SPAST: variants seen among roughly 807,000 people sequenced by gnomAD.
SPAST encodes the protein spastin.
SPAST carries 30 observed loss-of-function variants against 76.6 expected under a neutral mutation model. The observed-to-expected ratio is 0.39, with a 90% CI of 0.29 to 0.53. The LOEUF is 0.53. Among genes scored for constraint, SPAST ranks in the 20% least tolerant of loss-of-function variants. The pLI is 0.68. For missense variants in SPAST, 717 were observed against 770.5 expected (o/e 0.93, Z 0.82); for synonymous variants, 305 against 281.0 (o/e 1.09, Z -0.86).
chr2:32,149,795 A>G (rs1367496821), intron 16 of SPAST, among the ~76,000 whole-genome samples: 1 of 152,176 alleles, frequency 6.6e-6, no homozygotes, highest in East Asian at 1.9e-4. Flanking sequence ...GCACCATTTT[A>G]CATAAGGGAC....
chr2:32,115,582 A>AT, intron 5 of SPAST, 120 bp from the exon 6 acceptor site: 1 of 725,938 alleles, frequency 1.4e-6, no homozygotes, highest in East Asian at 2.7e-5. Flanking sequence ...CAATTTATGG[A>AT]TTTTTATACC....
chr2:32,085,814 G>A (rs1038001723), intron 1 of SPAST, among the ~76,000 whole-genome samples: 4 of 151,992 alleles, frequency 2.6e-5, no homozygotes, highest in African/African-American at 9.7e-5. Flanking sequence ...GCCGAGGTGG[G>A]AGGATCACAA....
At chr2:32,074,658 C>T (rs1281328506) in intron 1 of SPAST, among the ~76,000 whole-genome samples, 1 of 152,068 alleles carries the variant, frequency 6.6e-6, no homozygotes, top group Non-Finnish European at 1.5e-5. Flanking sequence ...AGGCGCAAGT[C>T]ACCACACCCG....
intron 3 of SPAST, among the ~76,000 whole-genome samples, chr2:32,095,297 T>G (rs998509222): frequency 8.5e-5 from 13 of 152,128 alleles, no homozygotes; most frequent in Non-Finnish European, 1.6e-4. Flanking sequence ...CACTGCAGGA[T>G]GGGTATTAGA....
chr2:32,075,036 G>A (rs554324826), intron 1 of SPAST, among the ~76,000 whole-genome samples: 41 of 152,186 alleles, frequency 2.7e-4, no homozygotes, highest in Non-Finnish European at 3.7e-4. Context: ...GGTTATGTTA[G>A]AACATTGTTA....
intron 4 of SPAST, among the ~76,000 whole-genome samples, chr2:32,101,857 A>G (rs1327334510): frequency 6.6e-6 from 1 of 152,296 alleles, no homozygotes; most frequent in East Asian, 1.9e-4. Context: ...TATCAGTACC[A>G]TGCTGTTTTG....
intron 1 of SPAST, among the ~76,000 whole-genome samples, chr2:32,078,591 A>G (rs950720405): frequency 1.3e-5 from 2 of 152,196 alleles, no homozygotes; most frequent in Non-Finnish European, 2.9e-5. Flanking sequence ...TCAAGGCTAC[A>G]GTGAGCTATG....
Position 32,154,445 on chromosome 2 carries a change from T to G in SPAST, c.1800T>G (p.Thr600=). Residue 600 remains threonine (T), a synonymous_variant, in exon 17 of 17, where the codon ACT becomes ACG. Transcript: ENST00000315285. ...TAAAACGCAGCGTCAGCCCTCAAACTTTAGAAGCGTACATACGTTGGAACA... is the reference window on the plus strand; with the variant it reads ...TAAAACGCAGCGTCAGCCCTCAAACGTTAGAAGCGTACATACGTTGGAACA... ...KKIKRSVSPQ[T]LEAYIRWNKD... 6.2e-7 allele frequency: 1 copy of G among 1,613,548 alleles called. No individual in the cohort carries two copies. Among genetic ancestry groups the G allele is most frequent in the Non-Finnish European group, 8.5e-7 (1 of 1,179,526 alleles).
chr2:32,154,702 T>A lies in SPAST; in HGVS notation c.*206T>A. 2 of 566,848 alleles carry A rather than the reference T, an allele frequency of 3.5e-6. No individual in the cohort carries two copies. Among genetic ancestry groups the A allele is most frequent in the South Asian group, 2.0e-5 (1 of 49,622 alleles). 35.1% of individuals were successfully genotyped at this position (566,848 alleles called of 1,614,324 possible). A position where few individuals can be genotyped will look rare whatever the true frequency, so the allele number is the denominator to read the frequency against. On this transcript the variant is annotated 3_prime_UTR_variant, in exon 17 of 17. Transcript: ENST00000315285. The stretch of plus-strand genomic sequence containing the variant: ...ATGTAATTTTTTGTTGTTTAAGGCC[T>A]TGCCTTGATGGTCACAGTTATCCCA...
At chr2:32,121,733 G>A (rs1371781993) in intron 7 of SPAST, among the ~76,000 whole-genome samples, 2 of 150,854 alleles carry the variant, frequency 1.3e-5, no homozygotes, top group South Asian at 2.1e-4. Flanking sequence ...TAGTAGAGAC[G>A]GAGTTTCACC....
chr2:32,087,075 G>C (rs1207718221), intron 1 of SPAST, among the ~76,000 whole-genome samples: 1 of 151,482 alleles, frequency 6.6e-6, no homozygotes, highest in East Asian at 1.9e-4. Context: ...TTCCTCTAGA[G>C]AGGAGGTACC....
intron 1 of SPAST, among the ~76,000 whole-genome samples, chr2:32,075,445 A>T (rs1676914513): frequency 6.9e-6 from 1 of 144,508 alleles, no homozygotes; most frequent in African/African-American, 2.5e-5. Context: ...AAAAAAAAAA[A>T]ATTAAAACAA....
At position 32,064,005 on chromosome 2, in the gene SPAST, T is replaced by C. The variant is rs145571171; in HGVS notation, c.174T>C (p.Phe58=). ...RNLYYFSYPL[F]VGFALLRLVA... ...TGTACTATTTCTCCTACCCGCTGTT[T>C]GTAGGCTTCGCGCTGCTGCGTTTGG... Residue 58 remains phenylalanine, a synonymous_variant, in exon 1 of 17, where the codon TTT becomes TTC. Transcript: ENST00000315285. 9.3e-6 allele frequency: 15 copies of C among 1,613,344 alleles called. No individual in the cohort carries two copies. The African/African-American group carries it at 9.3e-5, about 10-fold the overall frequency.
intron 1 of SPAST, among the ~76,000 whole-genome samples, chr2:32,084,458 CT>C (rs764882256): frequency 1.3e-5 from 2 of 152,078 alleles, no homozygotes; most frequent in African/African-American, 4.8e-5. Context: ...GCCACCGCCC[CT>C]GGCCTACTTT....
chr2:32,076,563 G>T (rs1410035054), intron 1 of SPAST, among the ~76,000 whole-genome samples: 1 of 151,988 alleles, frequency 6.6e-6, no homozygotes, highest in African/African-American at 2.4e-5. Flanking sequence ...TTCTCTAATG[G>T]TGAACTATGA....
chr2:32,099,296 T>C (rs1678032169), intron 4 of SPAST, among the ~76,000 whole-genome samples: 1 of 152,334 alleles, frequency 6.6e-6, no homozygotes, highest in East Asian at 1.9e-4. Context: ...ATATCAATTT[T>C]CATTTATAGT....
rs185397083 is a variant in SPAST at position 32,090,644 on chromosome 2, C to T, written c.586+1039C>T. On this transcript the variant is annotated intron_variant, in intron 3 of 16. Transcript: ENST00000315285. The stretch of plus-strand genomic sequence containing the variant: ...TTTGTATCAGGATCTTAAAAAGATC[C>T]GTATGTCTCTTTTAATGTACAGGTT... Among the ~76,000 whole-genome samples, 189 of 152,074 alleles carry T rather than the reference C, an allele frequency of 1.2e-3. 1 individual carries two copies. Among genetic ancestry groups the T allele is most frequent in the African/African-American group, 4.2e-3 (175 of 41,514 alleles).
At chr2:32,087,840 C>T (rs1273221743) in intron 2 of SPAST, among the ~76,000 whole-genome samples, 5 of 147,380 alleles carry the variant, frequency 3.4e-5, no homozygotes, top group Admixed American at 2.7e-4. Context: ...GGACCACAGG[C>T]GCACACTACC....
In SPAST at chr2:32,136,964, A is replaced by G; in HGVS notation, c.1409A>G (p.Asp470Gly). ...AAAACTGAATTTCTAATAGAATTTG[A>G]TGGTGTAAGTGTTGATTATGATATT... ...RLKTEFLIEF[D>G]GVQSAGDDRV... Residue 470 changes from aspartate (D) to glycine (G), a missense_variant, in exon 11 of 17, where the codon GAT becomes GGT. Transcript: ENST00000315285. 6.2e-7 allele frequency: 1 copy of G among 1,610,142 alleles called. No homozygotes were observed. The highest frequency in any genetic ancestry group is 1.1e-5 in the South Asian group (1 of 90,950).
Sources: allele counts gnomAD v4.1 joint callset (sites outside exome capture counted in the v4.1 genomes callset), GRCh38; gene constraint gnomAD v4.1.1; transcripts MANE v1.5; gene names NCBI Gene and HGNC (gene_info 2026-07-23, HGNC 2026-07-21).